The following DNAJC16 variants were observed in gnomAD, a reference collection of about 807,000 sequenced individuals.
The protein encoded by DNAJC16 is DnaJ heat shock protein family (Hsp40) member C16, also known as dnaJ homolog subfamily C member 16.
In DNAJC16, 76 loss-of-function variants were observed where a neutral mutation model predicts 92.7. The observed-to-expected ratio is 0.82, with a 90% CI of 0.68 to 0.99. The LOEUF (loss-of-function observed/expected upper bound fraction) is 0.99, where lower values mean the gene tolerates loss of function less well. Ranked by LOEUF, DNAJC16 falls within the 50% of genes least tolerant of loss-of-function variation. DNAJC16 has a pLI of 0.00. For synonymous variants in DNAJC16, 328 were observed against 358.7 expected (o/e 0.91, Z 0.97); for missense variants, 869 against 942.4 (o/e 0.92, Z 1.02).
chr1:15,551,862 G>A (rs566980993), intron 7 of DNAJC16, among the ~76,000 whole-genome samples: 3 of 151,568 alleles, frequency 2.0e-5, no homozygotes, highest in Non-Finnish European at 2.9e-5. Flanking sequence ...GTGAAACCCC[G>A]TCTCTACTAA....
chr1:15,555,991 C>CAAA (rs750409441), intron 7 of DNAJC16, among the ~76,000 whole-genome samples: 4 of 92,748 alleles, frequency 4.3e-5, no homozygotes, highest in Admixed American at 1.3e-4. Flanking sequence ...AACTCCATCT[C>CAAA]AAAAAAAAAA....
chr1:15,551,875 A>C (rs1557581085), intron 7 of DNAJC16, among the ~76,000 whole-genome samples: 1 of 151,942 alleles, frequency 6.6e-6, no homozygotes, highest in Non-Finnish European at 1.5e-5. Context: ...TCTACTAAAA[A>C]TACAAAAAAG....
rs755634565 is a variant in DNAJC16, at chr1:15,559,551, T to C, written c.1049T>C (p.Ile350Thr). The change falls in exon 8 of 15, where the codon ATT (isoleucine) becomes ACT (threonine). Residue 350 changes from isoleucine to threonine, a missense_variant. Ile to Thr is a moderately conservative substitution (Grantham distance 89). Coordinates refer to ENST00000375847, the MANE Select transcript of DNAJC16 (RefSeq NM_015291.4). ...IQARGMKKQI[I>T]DDFITRNKYL... is the part of the protein sequence containing the mutation. ...GCCCGAGGTATGAAGAAGCAAATCATTGACGACTTCATCACCCGAAACAAA... is the reference window on the plus strand; with the variant it reads ...GCCCGAGGTATGAAGAAGCAAATCACTGACGACTTCATCACCCGAAACAAA... 3 of 1,614,146 alleles carry C rather than the reference T, an allele frequency of 1.9e-6. No homozygotes were observed. The highest frequency in any genetic ancestry group is 3.3e-5 in the Admixed American group (2 of 60,020).
intron 6 of DNAJC16, 44 bp downstream of exon 6, chr1:15,546,915 C>CTTTTT (rs76961003): frequency 1.5e-3 from 1,403 of 906,448 alleles, no homozygotes; most frequent in South Asian, 6.0e-3. Context: ...CTTTTCTTTT[C>CTTTTT]TTTTTTTTTT....
chr1:15,544,338 A>G, intron 4 of DNAJC16, 61 bp from the exon 5 acceptor site: 3 of 1,496,540 alleles, frequency 2.0e-6, no homozygotes, highest in South Asian at 2.8e-5. Flanking sequence ...ATTACTTAGC[A>G]CTTTTTCCAG....
rs1489690980 is a variant in DNAJC16, at chr1:15,565,940, G to A, written c.1620G>A (p.Leu540=). The A allele has an allele frequency of 1.2e-6, 2 of 1,613,712 alleles. No homozygotes were observed. The highest frequency in any genetic ancestry group is 1.3e-5 in the African/African-American group (1 of 74,802). Residue 540 remains leucine (L), a synonymous_variant, in exon 12 of 15, where the codon CTG becomes CTA. Transcript: ENST00000375847. ...HNNWREMMPL[L]SLIFSALFIL... ...TTAGGAGGGAAATGATGCCCCTGCT[G>A]TCCCTGATCTTCTCTGCCCTCTTCA...
intron 7 of DNAJC16, among the ~76,000 whole-genome samples, chr1:15,549,143 G>C (rs1349728393): frequency 2.6e-5 from 4 of 152,180 alleles, no homozygotes; most frequent in African/African-American, 9.7e-5. Context: ...CAGGTGTCCT[G>C]TGAACACAGA....
rs1405358991 is a variant in DNAJC16, at chr1:15,560,271, C to CAGACCCATA, written c.1154+615_1154+616insAGACCCATA. ...CAGGCGTCTGGGATAGACTGGGTCA[C>CAGACCCATA]TTTACAGAAGCACAGAATATGGAAG... On this transcript the variant is annotated intron_variant, in intron 8 of 14. Transcript: ENST00000375847. The CAGACCCATA allele has an allele frequency of 6.6e-5, 10 of 152,308 alleles. No homozygotes were observed. In the South Asian group the frequency reaches 2.1e-3, roughly 32 times the overall value. The allele number at this position is 152,308 out of a possible 1,614,324, so 9.4% of individuals were successfully genotyped here.
chr1:15,535,262 T>TC (rs1710753337), intron 3 of DNAJC16, among the ~76,000 whole-genome samples: 1 of 152,260 alleles, frequency 6.6e-6, no homozygotes, highest in African/African-American at 2.4e-5. Context: ...AATTTTCTTG[T>TC]CATTGAGCCC....
intron 2 of DNAJC16, among the ~76,000 whole-genome samples, chr1:15,532,447 G>A (rs1025174654): frequency 9.9e-5 from 15 of 151,650 alleles, no homozygotes; most frequent in Non-Finnish European, 1.9e-4. Flanking sequence ...AAAGTATTCC[G>A]TATGAATACA....
In DNAJC16 at chr1:15,548,302, A is replaced by T; in HGVS notation, c.897A>T (p.Ser299=). The part of the protein sequence containing the change: ...LTAFAYKDYL[S]FGYVYVGLRG... Reference sequence around the variant, plus strand: ...CCTTTGCATACAAAGATTATTTATCATTTGGATATGTATATGTGGGTTTGA... The same window carrying T: ...CCTTTGCATACAAAGATTATTTATCTTTTGGATATGTATATGTGGGTTTGA... The change falls in exon 7 of 15, where the codon TCA becomes TCT. Residue 299 remains serine (S), a synonymous_variant. Transcript: ENST00000375847. 1 of 1,614,086 alleles carries T rather than the reference A, an allele frequency of 6.2e-7. No individual in the cohort carries two copies. The highest frequency in any genetic ancestry group is 8.5e-7 in the Non-Finnish European group (1 of 1,179,982).
At chr1:15,556,303 C>T (rs147073484) in intron 7 of DNAJC16, among the ~76,000 whole-genome samples, 140 of 152,094 alleles carry the variant, frequency 9.2e-4, no homozygotes, top group Non-Finnish European at 1.7e-3. Context: ...GGCCTGATCT[C>T]GGCTCACTGC....
chr1:15,560,677 G>A (rs140999189), intron 8 of DNAJC16, among the ~76,000 whole-genome samples: 85 of 151,936 alleles, frequency 5.6e-4, no homozygotes, highest in African/African-American at 1.9e-3. Flanking sequence ...TCTTAAGAGC[G>A]AAGAAAAAAA....
At chr1:15,563,739 C>CTTGG (rs372039081) in intron 9 of DNAJC16, among the ~76,000 whole-genome samples, 190 bp from the exon 10 acceptor site, 8 of 145,778 alleles carry the variant, frequency 5.5e-5, no homozygotes, top group African/African-American at 2.0e-4. Context: ...GTCCCAGCCA[C>CTTGG]TTGGGAAGGC....
intron 5 of DNAJC16, among the ~76,000 whole-genome samples, 182 bp from the exon 6 acceptor site, chr1:15,546,585 G>T (rs1638313929): frequency 6.6e-6 from 1 of 152,186 alleles, no homozygotes; most frequent in South Asian, 2.1e-4. Flanking sequence ...ATGAAAATAT[G>T]AAATCAATAT....
chr1:15,527,891 A>C (rs1710557375), intron 1 of DNAJC16, among the ~76,000 whole-genome samples: 1 of 152,234 alleles, frequency 6.6e-6, no homozygotes, highest in East Asian at 1.9e-4. Context: ...TTGAAAAAAA[A>C]CATTGTAGGG....
chr1:15,560,197 C>G (rs2103424329), intron 8 of DNAJC16: 1 of 152,390 alleles, frequency 6.6e-6, no homozygotes, highest in Non-Finnish European at 1.5e-5. Flanking sequence ...GAAGATTTCC[C>G]TAAGATGTAA....
At chr1:15,551,876 T>C (rs1638450020) in intron 7 of DNAJC16, among the ~76,000 whole-genome samples, 1 of 150,582 alleles carries the variant, frequency 6.6e-6, no homozygotes, top group South Asian at 2.1e-4. Context: ...CTACTAAAAA[T>C]ACAAAAAAGC....
In DNAJC16 at chr1:15,546,748, A is replaced by G. The variant is rs1390207208; in HGVS notation, c.760-19A>G. On this transcript the variant is annotated intron_variant, in intron 5 of 14. Transcript: ENST00000375847. ...TTAAGAATTAAATATTGAGACTAAC[A>G]TTCTATTTTCAATTTAAGGTTACAA... 6.4e-7 allele frequency: 1 copy of G among 1,565,220 alleles called. No homozygotes were observed. Among genetic ancestry groups the G allele is most frequent in the African/African-American group, 1.4e-5 (1 of 73,776 alleles).
Sources: gnomAD v4.1 joint callset for allele counts (sites outside exome capture counted in the v4.1 genomes callset) on GRCh38, gnomAD v4.1.1 for gene constraint, MANE v1.5 for transcripts, NCBI Gene and HGNC (gene_info 2026-07-23, HGNC 2026-07-21) for gene names.